CAPZA1: variants seen among roughly 807,000 people sequenced by gnomAD.
The protein encoded by CAPZA1 is F-actin-capping protein subunit alpha-1.
A neutral mutation model predicts 40.8 loss-of-function variants in CAPZA1; 10 were observed. That is an observed-to-expected ratio of 0.25 (90% confidence interval 0.15 to 0.42). The LOEUF (loss-of-function observed/expected upper bound fraction) is 0.42, where lower values mean the gene tolerates loss of function less well. Among genes scored for constraint, CAPZA1 ranks in the 10% least tolerant of loss-of-function variants. The pLI, the probability that CAPZA1 is intolerant of heterozygous loss-of-function variation, is 1.00. For synonymous variants in CAPZA1, 98 were observed against 115.0 expected, an observed-to-expected ratio of 0.85 and a Z score of 0.95; for missense variants, 277 against 353.8, an observed-to-expected ratio of 0.78 and a Z score of 1.74.
At chr1:112,659,237 T>C (rs1671555986) in intron 6 of CAPZA1, 136 bp downstream of exon 6, 1 of 648,540 alleles carries the variant, frequency 1.5e-6, no homozygotes, top group Admixed American at 2.8e-5. Flanking sequence ...GGGATTTAGA[T>C]TCCTTACAGT....
chr1:112,662,395 CT>C (rs35100851), intron 7 of CAPZA1, among the ~76,000 whole-genome samples: 4,562 of 97,076 alleles, frequency 0.047, 53 homozygotes, highest in African/African-American at 0.13. Context: ...TAGAATTTTT[CT>C]TTTTTTTTTT....
chr1:112,621,272 A>G (rs1670648177), intron 1 of CAPZA1, among the ~76,000 whole-genome samples: 1 of 146,640 alleles, frequency 6.8e-6, no homozygotes, highest in South Asian at 2.2e-4. Flanking sequence ...AAATCCTGTT[A>G]CAATACAACT....
Position 112,654,684 on chromosome 1 carries a change from A to C in CAPZA1, c.426+13A>C. On this transcript the variant is annotated intron_variant, in intron 5 of 9. Transcript: ENST00000263168. ...CGGCTTCTGTACTGTTAAGTATCTGACTGCTTCGTTATCAGAGAGTGTTTT... is the reference window on the plus strand; with the variant it reads ...CGGCTTCTGTACTGTTAAGTATCTGCCTGCTTCGTTATCAGAGAGTGTTTT... The C allele has an allele frequency of 6.5e-7, 1 of 1,550,372 alleles. No individual in the cohort carries two copies. Among genetic ancestry groups the C allele is most frequent in the South Asian group, 1.2e-5 (1 of 85,320 alleles).
intron 1 of CAPZA1, among the ~76,000 whole-genome samples, chr1:112,637,148 C>T (rs1570706425): frequency 6.6e-6 from 1 of 152,180 alleles, no homozygotes; most frequent in African/African-American, 2.4e-5. Context: ...TATAAGCATG[C>T]AATCTTAGAC....
At chr1:112,635,991 T>C (rs1671008953) in intron 1 of CAPZA1, among the ~76,000 whole-genome samples, 1 of 152,166 alleles carries the variant, frequency 6.6e-6, no homozygotes, top group Admixed American at 6.5e-5. Context: ...ATCGCGCCAC[T>C]GCACTCCAGC....
intron 3 of CAPZA1, among the ~76,000 whole-genome samples, chr1:112,650,767 T>G (rs1671371235): frequency 6.6e-6 from 1 of 152,240 alleles, no homozygotes; most frequent in Admixed American, 6.5e-5. Context: ...CATTGCAACC[T>G]AAAGCCTGTT....
intron 1 of CAPZA1, among the ~76,000 whole-genome samples, chr1:112,633,660 C>A (rs1343421435): frequency 6.6e-6 from 1 of 152,056 alleles, no homozygotes; most frequent in East Asian, 1.9e-4. Flanking sequence ...TGCGGAATTT[C>A]CATGCTGTTA....
intron 1 of CAPZA1, among the ~76,000 whole-genome samples, chr1:112,629,641 T>C (rs1325252665): frequency 1.3e-5 from 2 of 152,236 alleles, no homozygotes; most frequent in Admixed American, 1.3e-4. Context: ...GTATTACTGA[T>C]AGATTTTTAT....
At chr1:112,669,654 C>T (rs1458628734) in intron 9 of CAPZA1, 49 bp downstream of exon 9, 14 of 1,309,044 alleles carry the variant, frequency 1.1e-5, no homozygotes, top group African/African-American at 2.9e-5. Flanking sequence ...CTTATTATTT[C>T]GCTGTTAGCA....
intron 1 of CAPZA1, among the ~76,000 whole-genome samples, chr1:112,633,969 T>C (rs1291349936): frequency 6.6e-6 from 1 of 152,168 alleles, no homozygotes; most frequent in Non-Finnish European, 1.5e-5. Flanking sequence ...GAGTTCCTTA[T>C]ATATTTTTGG....
At chr1:112,664,661 C>A (rs1344245844) in intron 7 of CAPZA1, among the ~76,000 whole-genome samples, 2 of 152,162 alleles carry the variant, frequency 1.3e-5, no homozygotes, top group African/African-American at 4.8e-5. Flanking sequence ...GGTGGCCTAG[C>A]GCAGTGGCTC....
chr1:112,652,131 CA>C (rs1671401268), intron 3 of CAPZA1, among the ~76,000 whole-genome samples: 1 of 149,446 alleles, frequency 6.7e-6, no homozygotes, highest in African/African-American at 2.5e-5. Flanking sequence ...CCCCACCCCC[CA>C]AAAAAATAAA....
intron 5 of CAPZA1, among the ~76,000 whole-genome samples, chr1:112,655,668 T>A (rs991926675): frequency 4.6e-5 from 7 of 151,954 alleles, no homozygotes; most frequent in African/African-American, 1.4e-4. Flanking sequence ...GTTCAAGCAA[T>A]TCTCCTGCCT....
At chr1:112,669,911 C>G in intron 9 of CAPZA1, 81 bp from the exon 10 acceptor site, 1 of 1,471,760 alleles carries the variant, frequency 6.8e-7, no homozygotes, top group Non-Finnish European at 9.5e-7. Flanking sequence ...TCAAGCATAT[C>G]CATTGACTAT....
At chr1:112,626,738 C>T (rs955345781) in intron 1 of CAPZA1, among the ~76,000 whole-genome samples, 1 of 152,176 alleles carries the variant, frequency 6.6e-6, no homozygotes, top group Admixed American at 6.5e-5. Context: ...CCTGGTTTAT[C>T]ATAAATTCTT....
chr1:112,655,223 T>C (rs1360211811), intron 5 of CAPZA1, among the ~76,000 whole-genome samples: 1 of 152,212 alleles, frequency 6.6e-6, no homozygotes. Context: ...CTCATGCCTG[T>C]AATCCCAGCA....
At chr1:112,630,707 A>G (rs1270040008) in intron 1 of CAPZA1, among the ~76,000 whole-genome samples, 1 of 152,120 alleles carries the variant, frequency 6.6e-6, no homozygotes, top group Non-Finnish European at 1.5e-5. Context: ...TCCTTGGCTC[A>G]AGCGGTCCTC....
chr1:112,669,640 C>T, intron 9 of CAPZA1, 35 bp downstream of exon 9: 1 of 1,403,934 alleles, frequency 7.1e-7, no homozygotes, highest in Non-Finnish European at 1.0e-6. Flanking sequence ...CCTAGATCTA[C>T]TATCTTATTA....
intron 5 of CAPZA1, among the ~76,000 whole-genome samples, chr1:112,654,909 T>A (rs571859355): frequency 1.3e-5 from 2 of 152,320 alleles, no homozygotes; most frequent in South Asian, 4.1e-4. Flanking sequence ...GTTTTCACAT[T>A]TGACTTATGA....
Sources: gnomAD v4.1 joint callset for allele counts (sites outside exome capture counted in the v4.1 genomes callset) on GRCh38, gnomAD v4.1.1 for gene constraint, MANE v1.5 for transcripts, NCBI Gene and HGNC (gene_info 2026-07-23, HGNC 2026-07-21) for gene names.